The following UMODL1 variants were observed in gnomAD, a reference collection of about 807,000 sequenced individuals.
The protein encoded by UMODL1 is uromodulin like 1.
In UMODL1, 128 loss-of-function variants were observed where a neutral mutation model predicts 136.3. The ratio of observed to expected loss-of-function variants is 0.94; its 90% CI spans 0.81 to 1.09. The LOEUF is 1.09. UMODL1 is among the 50% of genes least tolerant of loss of function. The pLI is 0.00. For synonymous variants in UMODL1, 721 were observed against 720.0 expected (o/e 1.00, Z -0.02); for missense variants, 1,766 against 1,725.6 (o/e 1.02, Z -0.41).
chr21:42,077,806 C>A (rs1260739250), intron 2 of UMODL1, among the ~76,000 whole-genome samples: 1 of 152,166 alleles, frequency 6.6e-6, no homozygotes, highest in African/African-American at 2.4e-5. Context: ...TTAGTAAAAA[C>A]AAGGTTGGGC....
chr21:42,114,471 C>T (rs1460236247), intron 13 of UMODL1, among the ~76,000 whole-genome samples: 1 of 152,224 alleles, frequency 6.6e-6, no homozygotes, highest in Non-Finnish European at 1.5e-5. Flanking sequence ...GGTTTTCACG[C>T]CATGGGCAGC....
chr21:42,128,862 G>C (rs949242387), intron 20 of UMODL1, among the ~76,000 whole-genome samples: 1 of 152,176 alleles, frequency 6.6e-6, no homozygotes, highest in South Asian at 2.1e-4. Flanking sequence ...TGAGCTTTCC[G>C]GGCTGCTGTA....
intron 12 of UMODL1, among the ~76,000 whole-genome samples, 158 bp downstream of exon 12, chr21:42,111,868 A>C (rs1225216093): frequency 6.6e-6 from 1 of 152,160 alleles, no homozygotes; most frequent in Non-Finnish European, 1.5e-5. Flanking sequence ...GGCACCCAGC[A>C]GCTGGTTTCT....
At position 42,074,753 on chromosome 21, in the gene UMODL1, C is replaced by T. The variant is rs541835338; in HGVS notation, c.77-1252C>T. 3.8e-4 allele frequency among the ~76,000 whole-genome samples: 58 copies of T among 152,214 alleles called. 1 individual carries two copies. In the South Asian group the frequency reaches 0.012, roughly 31 times the overall value. ...ACTGGTCTTTTTTTTGAGATGGAGT[C>T]TCGCTCTGTCACCTAGGCTGGAGTG... On this transcript the variant is annotated intron_variant, in intron 1 of 22. Transcript: ENST00000408910.
intron 6 of UMODL1, chr21:42,093,807 G>C: frequency 2.2e-6 from 1 of 450,160 alleles, no homozygotes; most frequent in Non-Finnish European, 4.5e-6. Context: ...GGGGTCTCCA[G>C]GTATTAAAAA....
At chr21:42,091,317 T>C (rs753257624) in intron 6 of UMODL1, among the ~76,000 whole-genome samples, 23 of 152,174 alleles carry the variant, frequency 1.5e-4, no homozygotes, top group Non-Finnish European at 2.4e-4. Flanking sequence ...ATCCCTAGCA[T>C]CGCGGGATCA....
At chr21:42,100,548 A>G (rs556422483) in intron 7 of UMODL1, among the ~76,000 whole-genome samples, 2 of 151,984 alleles carry the variant, frequency 1.3e-5, no homozygotes, top group South Asian at 4.2e-4. Flanking sequence ...ACTCCACCTC[A>G]TCTTCTCATT....
chr21:42,084,777 A>G (rs1164845973), intron 3 of UMODL1, among the ~76,000 whole-genome samples: 1 of 149,934 alleles, frequency 6.7e-6, no homozygotes, highest in African/African-American at 2.4e-5. Flanking sequence ...TATATATTAT[A>G]GCGTTAGTAT....
In UMODL1 at chr21:42,065,418, A is replaced by AG. The variant is rs543966843; in HGVS notation, c.-141+2205dup. The stretch of plus-strand genomic sequence containing the variant: ...AAGCACCGTGGTCTGACCCGTCCTA[A>AG]GAGATGATCCAGTCACGAAATGCTG... On this transcript the variant is annotated intron_variant, in intron 1 of 22. Transcript: ENST00000400424. Among the ~76,000 whole-genome samples the AG allele has an allele frequency of 6.6e-5, 10 of 152,318 alleles. No individual in the cohort carries two copies. The South Asian group carries it at 2.1e-3, about 32-fold the overall frequency.
intron 21 of UMODL1, among the ~76,000 whole-genome samples, chr21:42,134,320 A>G (rs1001722271): frequency 6.6e-6 from 1 of 152,254 alleles, no homozygotes; most frequent in African/African-American, 2.4e-5. Flanking sequence ...GTACATCAGC[A>G]TGATAATTTT....
At chr21:42,107,641 A>C (rs566733711) in intron 9 of UMODL1, among the ~76,000 whole-genome samples, 8 of 152,286 alleles carry the variant, frequency 5.3e-5, no homozygotes, top group Non-Finnish European at 8.8e-5. Flanking sequence ...CCCAGTGTGA[A>C]TCTGACACAC....
chr21:42,067,805 C>T (rs1271374190), upstream of UMODL1, among the ~76,000 whole-genome samples: 2 of 152,240 alleles, frequency 1.3e-5, no homozygotes, highest in African/African-American at 2.4e-5. Context: ...GAGACAATGT[C>T]CCAACCCCAG....
chr21:42,077,815 G>T (rs1022334461), intron 2 of UMODL1, among the ~76,000 whole-genome samples: 4 of 152,160 alleles, frequency 2.6e-5, no homozygotes, highest in African/African-American at 9.7e-5. Flanking sequence ...ACAAGGTTGG[G>T]CATTACAAGA....
chr21:42,113,834 A>T lies in UMODL1; in HGVS notation c.2362+4A>T. The T allele has an allele frequency of 6.2e-7, 1 of 1,606,600 alleles. No homozygotes were observed. The highest frequency in any genetic ancestry group is 8.5e-7 in the Non-Finnish European group (1 of 1,175,488). On this transcript the variant is annotated splice_donor_region_variant and intron_variant, in intron 13 of 22. Coordinates refer to ENST00000408910, the MANE Select transcript of UMODL1 (RefSeq NM_001004416.3). ...GCTCATCTGAAAGTGAGGACAGGTA[A>T]TGGGCTTCCATTTGTTTTTAAAGAG...
chr21:42,119,020 G>C, intron 14 of UMODL1, 91 bp from the exon 15 acceptor site: 2 of 1,357,184 alleles, frequency 1.5e-6, no homozygotes, highest in Admixed American at 1.9e-5. Context: ...CAGCCCTGCT[G>C]CTGGGCAGAC....
In UMODL1 at chr21:42,126,992, G is replaced by T; in HGVS notation, c.3294-14G>T. The T allele has an allele frequency of 1.2e-6, 2 of 1,609,782 alleles. No homozygotes were observed. Among genetic ancestry groups the T allele is most frequent in the Non-Finnish European group, 1.7e-6 (2 of 1,176,044 alleles). On this transcript the variant is annotated splice_polypyrimidine_tract_variant and intron_variant, in intron 18 of 22. Transcript: ENST00000408910. ...TCCTGAAACATGCCTCCTGCAAGCT[G>T]CTTCCTCTTGCAGGGTTTACACCAT... is the stretch of plus-strand genomic sequence containing the variant.
chr21:42,097,442 T>G (rs2066571803), intron 6 of UMODL1, among the ~76,000 whole-genome samples: 1 of 152,186 alleles, frequency 6.6e-6, no homozygotes, highest in African/African-American at 2.4e-5. Context: ...TGGTGGTGAC[T>G]GGGCACTAAA....
chr21:42,109,682 C>T lies in UMODL1; in HGVS notation c.1640C>T (p.Ala547Val), dbSNP rs2066789105. The change falls in exon 10 of 23, where the codon GCA becomes GTA. Residue 547 changes from alanine to valine, a missense_variant. Transcript: ENST00000408910. ...ACCAGGGACGCCACCCCCTCCCGCG[C>T]AGGCCGGGCCTGTGAGGGTACGTGT... The part of the protein sequence containing the change: ...RTTRDATPSR[A>V]GRACEGDLVS... 3.1e-6 allele frequency: 5 copies of T among 1,604,378 alleles called. No homozygotes were observed. Among genetic ancestry groups the T allele is most frequent in the Admixed American group, 3.3e-5 (2 of 60,012 alleles).
rs201780847 is a variant in UMODL1, at chr21:42,137,630, G to T, written c.*10G>T. ...GGTGTTCTACGAATAGGAGGCGCAG[G>T]CTGACAGGAAGGTGGGTGCGGAGTG... On this transcript the variant is annotated 3_prime_UTR_variant, in exon 22 of 23. Coordinates refer to ENST00000408910, the MANE Select transcript of UMODL1 (RefSeq NM_001004416.3). The T allele has an allele frequency of 1.8e-6, 2 of 1,090,696 alleles. No individual in the cohort carries two copies. Among genetic ancestry groups the T allele is most frequent in the Admixed American group, 5.1e-5 (2 of 39,344 alleles). 67.6% of individuals were successfully genotyped at this position (1,090,696 alleles called of 1,614,324 possible). A position where few individuals can be genotyped will look rare whatever the true frequency, so the allele number is the denominator to read the frequency against.
Sources: gnomAD v4.1 joint callset for allele counts (sites outside exome capture counted in the v4.1 genomes callset) on GRCh38, gnomAD v4.1.1 for gene constraint, MANE v1.5 for transcripts, NCBI Gene and HGNC (gene_info 2026-07-23, HGNC 2026-07-21) for gene names.